The following GPC5 variants were observed in gnomAD, a reference collection of about 807,000 sequenced individuals.
The protein encoded by GPC5 is glypican 5.
A neutral mutation model predicts 53.9 loss-of-function variants in GPC5; 47 were observed. The ratio of observed to expected loss-of-function variants is 0.87; its 90% CI spans 0.69 to 1.11. GPC5 has a LOEUF of 1.11. Ranked by LOEUF, GPC5 falls within the 50% of genes most tolerant of loss-of-function variation. GPC5 has a pLI of 0.00. For missense variants in GPC5, 748 were observed against 713.1 expected, an observed-to-expected ratio of 1.05 and a Z score of -0.56; for synonymous variants, 286 against 263.3, an observed-to-expected ratio of 1.09 and a Z score of -0.84.
chr13:92,008,305 G>C lies in GPC5; in HGVS notation c.1401+100248G>C, dbSNP rs952566322. On this transcript the variant is annotated intron_variant, in intron 6 of 7. Transcript: ENST00000377067. ...TCTGGATCTCCTGACCTCGTGATCC[G>C]CCCGCCTCGGCCTCCCAAAGTGCTA... Among the ~76,000 whole-genome samples, 441 of 151,936 alleles carry C rather than the reference G, an allele frequency of 2.9e-3. 2 individuals carry two copies. Among genetic ancestry groups the C allele is most frequent in the Non-Finnish European group, 4.1e-3 (277 of 67,868 alleles).
chr13:92,716,848 G>C (rs955235545), intron 7 of GPC5, among the ~76,000 whole-genome samples: 1 of 152,088 alleles, frequency 6.6e-6, no homozygotes, highest in Admixed American at 6.6e-5. Flanking sequence ...GCTTTCTTTA[G>C]TACCACTGAA....
chr13:92,784,924 G>A (rs75438427), intron 7 of GPC5, among the ~76,000 whole-genome samples: 2,452 of 152,164 alleles, frequency 0.016, 36 homozygotes, highest in Non-Finnish European at 0.022. Flanking sequence ...TTAGATATTT[G>A]ATATCTTACT....
intron 7 of GPC5, among the ~76,000 whole-genome samples, chr13:92,384,940 C>A (rs2043779859): frequency 6.6e-6 from 1 of 152,088 alleles, no homozygotes; most frequent in South Asian, 2.1e-4. Context: ...GAAAGCACTC[C>A]TAAGGAAAAT....
intron 7 of GPC5, among the ~76,000 whole-genome samples, chr13:92,727,146 C>A (rs1304006475): frequency 6.6e-6 from 1 of 151,320 alleles, no homozygotes; most frequent in Non-Finnish European, 1.5e-5. Flanking sequence ...TATGCAGAGC[C>A]CTGTTTTATG....
At position 91,809,351 on chromosome 13, in the gene GPC5, T is replaced by C. The variant is rs183994063; in HGVS notation, c.1280+52931T>C. Among the ~76,000 whole-genome samples the C allele has an allele frequency of 8.6e-4, 131 of 152,270 alleles. 1 individual carries two copies. Among genetic ancestry groups the C allele is most frequent in the Non-Finnish European group, 6.9e-4 (47 of 67,990 alleles). ...AGAAGTTTCCAGTGACAGAGAACTA[T>C]CCTGTAACTGACAACCAATGATGAA... On this transcript the variant is annotated intron_variant, in intron 5 of 7. Coordinates refer to ENST00000377067, the MANE Select transcript of GPC5 (RefSeq NM_004466.6).
intron 2 of GPC5, among the ~76,000 whole-genome samples, chr13:91,453,858 T>G (rs1464199849): frequency 6.6e-6 from 1 of 152,078 alleles, no homozygotes; most frequent in African/African-American, 2.4e-5. Context: ...ACCTACTGGG[T>G]GCCAGCATCA....
intron 7 of GPC5, among the ~76,000 whole-genome samples, chr13:92,491,683 A>G (rs1879767069): frequency 6.6e-6 from 1 of 152,100 alleles, no homozygotes; most frequent in Non-Finnish European, 1.5e-5. Context: ...GACAAGCAAC[A>G]AGAAATATAT....
At chr13:91,805,664 T>C (rs895647075) in intron 5 of GPC5, among the ~76,000 whole-genome samples, 1 of 152,196 alleles carries the variant, frequency 6.6e-6, no homozygotes, top group African/African-American at 2.4e-5. Context: ...CCAGATGCTC[T>C]TTAGAAAATG....
At chr13:92,001,286 A>G (rs1334745853) in intron 6 of GPC5, among the ~76,000 whole-genome samples, 1 of 152,182 alleles carries the variant, frequency 6.6e-6, no homozygotes, top group Non-Finnish European at 1.5e-5. Flanking sequence ...TGCATATACT[A>G]TGATTGGCAA....
In GPC5 at chr13:92,692,754, A is replaced by ATTTTTTTTTTTTTTTTTTTTTTTTTTTTT. The variant is rs71272284; in HGVS notation, c.1562-173506_1562-173505insTTTTTTTTTTTTTTTTTTTTTTTTTTTTT. Among the ~76,000 whole-genome samples the ATTTTTTTTTTTTTTTTTTTTTTTTTTTTT allele has an allele frequency of 1.7e-4, 14 of 81,030 alleles. 2 individuals are homozygous for ATTTTTTTTTTTTTTTTTTTTTTTTTTTTT. Among genetic ancestry groups the ATTTTTTTTTTTTTTTTTTTTTTTTTTTTT allele is most frequent in the South Asian group, 5.5e-4 (1 of 1,822 alleles). 53.2% of individuals were successfully genotyped at this position (81,030 alleles called of 152,430 possible). On this transcript the variant is annotated intron_variant, in intron 7 of 7. Transcript: ENST00000377067. ...CTCCAAAGCCTCACCAATATCGGCT[A>ATTTTTTTTTTTTTTTTTTTTTTTTTTTTT]TTTTTTTTTTTTTTTTTTTTTTACA...
chr13:92,128,062 C>A (rs2041713926), intron 6 of GPC5, among the ~76,000 whole-genome samples: 1 of 152,162 alleles, frequency 6.6e-6, no homozygotes, highest in African/African-American at 2.4e-5. Flanking sequence ...CAATCTTCCT[C>A]TCCTTTGATA....
intron 7 of GPC5, among the ~76,000 whole-genome samples, chr13:92,533,726 C>T (rs1437459087): frequency 6.6e-6 from 1 of 152,090 alleles, no homozygotes; most frequent in East Asian, 1.9e-4. Context: ...AAAGCCATTG[C>T]TTTGTGAGAG....
chr13:91,696,176 G>A lies in GPC5; in HGVS notation c.1020+2295G>A, dbSNP rs576420886. On this transcript the variant is annotated intron_variant, in intron 3 of 7. Coordinates refer to ENST00000377067, the MANE Select transcript of GPC5 (RefSeq NM_004466.6). The stretch of plus-strand genomic sequence containing the variant: ...CTAAGCAGACCTTGGTGAAGCAGGT[G>A]ACTTTAGTATCTCAAAGTATTAGAA... 3.4e-3 allele frequency among the ~76,000 whole-genome samples: 520 copies of A among 152,262 alleles called. 2 individuals carry two copies. The highest frequency in any genetic ancestry group is 4.7e-3 in the Non-Finnish European group (320 of 68,010).
intron 7 of GPC5, among the ~76,000 whole-genome samples, chr13:92,610,643 G>A (rs1453870770): frequency 2.6e-5 from 4 of 152,100 alleles, no homozygotes. Flanking sequence ...CGGAGACTAG[G>A]TAATTTATAA....
intron 6 of GPC5, among the ~76,000 whole-genome samples, chr13:91,989,539 G>T (rs907001543): frequency 6.6e-6 from 1 of 152,236 alleles, no homozygotes; most frequent in African/African-American, 2.4e-5. Context: ...TATGGTTATT[G>T]CTTTGGTGTA....
At chr13:91,470,630 G>T (rs1882560604) in intron 2 of GPC5, among the ~76,000 whole-genome samples, 1 of 152,094 alleles carries the variant, frequency 6.6e-6, no homozygotes, top group African/African-American at 2.4e-5. Context: ...AGTAGTTCTA[G>T]CTTATGTGTG....
intron 7 of GPC5, among the ~76,000 whole-genome samples, chr13:92,859,916 G>A (rs949701966): frequency 3.3e-5 from 5 of 151,928 alleles, no homozygotes; most frequent in African/African-American, 1.2e-4. Flanking sequence ...ATAGCATCAG[G>A]AACTGTCAAA....
intron 7 of GPC5, among the ~76,000 whole-genome samples, chr13:92,349,120 C>T (rs1468085340): frequency 6.6e-6 from 1 of 151,922 alleles, no homozygotes; most frequent in Non-Finnish European, 1.5e-5. Context: ...TGAAACTAAG[C>T]GTCAGGTTTT....
Position 92,692,209 on chromosome 13 carries a change from AT to A in GPC5, c.1562-174065del, listed in dbSNP as rs200854027. Among the ~76,000 whole-genome samples, 1,391 of 151,872 alleles carry A rather than the reference AT, an allele frequency of 9.2e-3. 41 individuals are homozygous for A. Among genetic ancestry groups the A allele is most frequent in the Admixed American group, 0.058 (888 of 15,238 alleles). On this transcript the variant is annotated intron_variant, in intron 7 of 7. Coordinates refer to ENST00000377067, the MANE Select transcript of GPC5 (RefSeq NM_004466.6). ...ATGTTGCTGCAAAGAACATGACTTCATTTTTTTTATGGCTGCATAGTATTAC... is the reference window on the plus strand; with the variant it reads ...ATGTTGCTGCAAAGAACATGACTTCATTTTTTTATGGCTGCATAGTATTAC...
Sources: gnomAD v4.1 joint callset for allele counts (sites outside exome capture counted in the v4.1 genomes callset) on GRCh38, gnomAD v4.1.1 for gene constraint, MANE v1.5 for transcripts, NCBI Gene and HGNC (gene_info 2026-07-23, HGNC 2026-07-21) for gene names.